Variants in ATP11A observed in about 807,000 individuals in gnomAD.
ATP11A encodes phospholipid-transporting ATPase IH.
ATP11A carries 81 observed loss-of-function variants against 154.4 expected under a neutral mutation model. The ratio of observed to expected loss-of-function variants is 0.52; its 90% confidence interval spans 0.44 to 0.63. ATP11A has a LOEUF of 0.63. Ranked by LOEUF, ATP11A falls within the 30% of genes least tolerant of loss-of-function variation. The probability of loss-of-function intolerance (pLI) is 0.00; values close to 1 mark genes in which losing one functional copy is unlikely to be tolerated. For missense variants in ATP11A, 1,316 were observed against 1,474.3 expected (o/e 0.89, Z 1.76); for synonymous variants, 623 against 585.9 (o/e 1.06, Z -0.91).
intron 1 of ATP11A, among the ~76,000 whole-genome samples, chr13:112,711,519 GAAAA>G (rs1021708625): frequency 1.0e-4 from 15 of 143,244 alleles, no homozygotes; most frequent in South Asian, 2.2e-4. Flanking sequence ...CACCTGATGA[GAAAA>G]AAAAAAAAGC....
chr13:112,742,952 T>C (rs920032082), intron 1 of ATP11A, among the ~76,000 whole-genome samples: 6 of 152,204 alleles, frequency 3.9e-5, no homozygotes, highest in Admixed American at 3.9e-4. Flanking sequence ...AAGAATTTCC[T>C]AGATGTCTGA....
In ATP11A at chr13:112,883,149, T is replaced by C. The variant is rs555821828; in HGVS notation, c.*1283T>C. 323 of 392,648 alleles carry C rather than the reference T, an allele frequency of 8.2e-4. 1 individual carries two copies. The highest frequency in any genetic ancestry group is 5.9e-3 in the African/African-American group (282 of 47,494). 24.3% of individuals were successfully genotyped at this position (392,648 alleles called of 1,614,324 possible). On this transcript the variant is annotated 3_prime_UTR_variant, in exon 30 of 30. Transcript: ENST00000375645. ...TCATCCCCACGTCCTCTCGTCCCCT[T>C]GTCCCGTCCCCACATACCCTCGTCC...
At chr13:112,863,914 A>C (rs1429646729) in intron 25 of ATP11A, among the ~76,000 whole-genome samples, 91 of 26,024 alleles carry the variant, frequency 3.5e-3, no homozygotes, top group South Asian at 4.8e-3. Context: ...TCAGTGCAGC[A>C]CGTGCAGCTT....
chr13:112,786,639 CTG>C (rs1313210396), intron 2 of ATP11A, among the ~76,000 whole-genome samples: 4 of 138,720 alleles, frequency 2.9e-5, no homozygotes, highest in Admixed American at 2.8e-4. Context: ...ATGGGGTAAA[CTG>C]TGCTTTCCAG....
chr13:112,824,301 A>G (rs759369113), intron 9 of ATP11A, 43 bp from the exon 10 acceptor site: 1 of 1,495,582 alleles, frequency 6.7e-7, no homozygotes, highest in Admixed American at 1.7e-5. Flanking sequence ...AAGGCAAGAC[A>G]CACTTGCGCC....
chr13:112,837,730 A>G (rs2079277257), intron 16 of ATP11A, among the ~76,000 whole-genome samples: 1 of 152,134 alleles, frequency 6.6e-6, no homozygotes, highest in Admixed American at 6.5e-5. Context: ...AGATGTGCCG[A>G]GTTTAATTTT....
At position 112,873,563 on chromosome 13, in the gene ATP11A, T is replaced by G; in HGVS notation, c.3058-10T>G. 4.4e-6 allele frequency: 7 copies of G among 1,585,188 alleles called. No homozygotes were observed. Among genetic ancestry groups the G allele is most frequent in the Non-Finnish European group, 6.0e-6 (7 of 1,169,878 alleles). On this transcript the variant is annotated splice_polypyrimidine_tract_variant and intron_variant, in intron 26 of 29. Transcript: ENST00000375645. Reference sequence around the variant, plus strand: ...GACACCGTTAACTGCCCTTTTTTTTTTCCTTTTAGCTTGCATTGGACACAC... The same window carrying G: ...GACACCGTTAACTGCCCTTTTTTTTGTCCTTTTAGCTTGCATTGGACACAC...
At chr13:112,702,011 C>G (rs544756597) in intron 1 of ATP11A, among the ~76,000 whole-genome samples, 4 of 152,178 alleles carry the variant, frequency 2.6e-5, no homozygotes, top group African/African-American at 7.2e-5. Context: ...ACAGGCGTTG[C>G]TAGTAGCAGT....
intron 29 of ATP11A, chr13:112,880,677 C>T (rs950656273): frequency 8.7e-5 from 110 of 1,271,198 alleles, no homozygotes; most frequent in Non-Finnish European, 1.1e-4. Context: ...GGACGCCGCC[C>T]GTGTGCTGTG....
rs114350084 is a variant in ATP11A at position 112,700,592 on chromosome 13, G to C, written c.39+10137G>C. Among the ~76,000 whole-genome samples, 931 of 152,356 alleles carry C rather than the reference G, an allele frequency of 6.1e-3. 9 individuals are homozygous for C. The highest frequency in any genetic ancestry group is 0.021 in the African/African-American group (879 of 41,584). ...GACCTTGTTCTCCCCGGCGTGGTCT[G>C]CACCCTGTGAAGGGTGAGTGAACGC... On this transcript the variant is annotated intron_variant, in intron 1 of 29. Transcript: ENST00000375645.
At chr13:112,806,492 G>C (rs1385409930) in intron 4 of ATP11A, among the ~76,000 whole-genome samples, 199 bp downstream of exon 4, 1 of 152,132 alleles carries the variant, frequency 6.6e-6, no homozygotes, top group East Asian at 1.9e-4. Flanking sequence ...TGCTAGTCTG[G>C]CACCATGCGA....
chr13:112,828,022 T>A (rs1250138600), intron 12 of ATP11A, among the ~76,000 whole-genome samples: 4 of 152,276 alleles, frequency 2.6e-5, no homozygotes, highest in Admixed American at 2.0e-4. Flanking sequence ...TGTGAGCTTC[T>A]GATAAATTCT....
rs2080911861 is a variant in ATP11A, at chr13:112,882,644, C to A, written c.*778C>A. The A allele has an allele frequency of 2.5e-6, 1 of 400,384 alleles. No individual in the cohort carries two copies. The highest frequency in any genetic ancestry group is 4.4e-6 in the Non-Finnish European group (1 of 227,650). The allele number at this position is 400,384 out of a possible 1,614,324, so 24.8% of individuals were successfully genotyped here. A position where few individuals can be genotyped will look rare whatever the true frequency, so the allele number is the denominator to read the frequency against. On this transcript the variant is annotated 3_prime_UTR_variant, in exon 30 of 30. Transcript: ENST00000375645. The surrounding 1 kb of genome is among the most constrained non-coding windows in gnomAD (Gnocchi z 5.1). ...TTTCGGTCTCCCCATCACCGGCCGC[C>A]TCGTGGAGAAGGCAGTGCCACGTGG...
At chr13:112,722,645 C>T (rs1214218211) in intron 1 of ATP11A, among the ~76,000 whole-genome samples, 2 of 152,294 alleles carry the variant, frequency 1.3e-5, no homozygotes, top group Non-Finnish European at 2.9e-5. Flanking sequence ...GAGAGGAGGG[C>T]TCCATTCAGA....
At position 112,807,251 on chromosome 13, in the gene ATP11A, G is replaced by A. The variant is rs1212249654; in HGVS notation, c.333+958G>A. Among the ~76,000 whole-genome samples, 1 of 152,226 alleles carries A rather than the reference G, an allele frequency of 6.6e-6. No homozygotes were observed. Among genetic ancestry groups the A allele is most frequent in the African/African-American group, 2.4e-5 (1 of 41,456 alleles). ...CACAGGCAGAGATGGGGACACACAG[G>A]GTCCAGTGCAGATGATAAACATGCA... On this transcript the variant is annotated intron_variant, in intron 4 of 29. Coordinates refer to ENST00000375645, the MANE Select transcript of ATP11A (RefSeq NM_015205.3). This position sits in a 1 kb window ranked among gnomAD's most constrained non-coding sequence, Gnocchi z 4.5.
rs370126623 is a variant in ATP11A, at chr13:112,803,817, TC to T, written c.163-1138del. ...CCTTACTTCCCCTCCCTCCCCTCCT[TC>T]CTCTCCTTCCCCTCCTCCTCCTTCC... is the stretch of plus-strand genomic sequence containing the variant. On this transcript the variant is annotated intron_variant, in intron 2 of 29. Coordinates refer to ENST00000375645, the MANE Select transcript of ATP11A (RefSeq NM_015205.3). Among the ~76,000 whole-genome samples the T allele has an allele frequency of 5.5e-3, 381 of 69,848 alleles. 3 individuals are homozygous for T. Among genetic ancestry groups the T allele is most frequent in the Middle Eastern group, 8.2e-3 (1 of 122 alleles). The allele number at this position is 69,848 out of a possible 152,430, so 45.8% of individuals were successfully genotyped here.
chr13:112,720,821 G>T (rs1218854456), intron 1 of ATP11A, among the ~76,000 whole-genome samples: 1 of 152,160 alleles, frequency 6.6e-6, no homozygotes, highest in African/African-American at 2.4e-5. Context: ...CTCTCAAAGT[G>T]CTGAGATTAG....
At chr13:112,862,674 TG>T (rs1227665179) in intron 25 of ATP11A, 99 bp downstream of exon 25, 1 of 1,521,894 alleles carries the variant, frequency 6.6e-7, no homozygotes, top group African/African-American at 1.4e-5. Context: ...GTGCAGCCCA[TG>T]CAGCTTCCCA....
chr13:112,767,941 C>A (rs982379220), intron 1 of ATP11A, among the ~76,000 whole-genome samples: 2 of 152,142 alleles, frequency 1.3e-5, no homozygotes, highest in African/African-American at 4.8e-5. Context: ...CCCTCCGGCT[C>A]CTCACTTCCC....
Sources: gnomAD v4.1 joint callset for allele counts (sites outside exome capture counted in the v4.1 genomes callset) on GRCh38, gnomAD v4.1.1 for gene constraint, Gnocchi (gnomAD v3.1) non-coding constraint, MANE v1.5 for transcripts, NCBI Gene and HGNC (gene_info 2026-07-23, HGNC 2026-07-21) for gene names.